TENT5D: variants seen among roughly 807,000 people sequenced by gnomAD.
TENT5D encodes the protein cancer/testis antigen 112.
For synonymous variants in TENT5D, 103 were observed against 100.6 expected, an observed-to-expected ratio of 1.02 and a Z score of -0.15; for missense variants, 191 against 287.0, an observed-to-expected ratio of 0.67 and a Z score of 2.42.
At chrX:80,407,362 T>C (rs1395150015) in intron 3 of TENT5D, among the ~76,000 whole-genome samples, 7 of 110,439 alleles carry the variant, frequency 6.3e-5, no homozygotes, top group Non-Finnish European at 1.3e-4. Context: ...ACCCATCTCA[T>C]GGGCAGAGAC....
chrX:80,340,496 A>G (rs183991557), intron 2 of TENT5D, among the ~76,000 whole-genome samples: 2 of 111,680 alleles, frequency 1.8e-5, no homozygotes, highest in Admixed American at 1.9e-4. Context: ...TTACTACTTT[A>G]CCTGGTAATT....
At chrX:80,379,181 C>A (rs1300966273) in intron 3 of TENT5D, among the ~76,000 whole-genome samples, 2 of 103,977 alleles carry the variant, frequency 1.9e-5, no homozygotes, top group African/African-American at 7.1e-5. Context: ...ATTCTGCATT[C>A]CATTCTGCAT....
chrX:80,387,361 T>G (rs893968233), intron 3 of TENT5D, among the ~76,000 whole-genome samples: 3 of 111,983 alleles, frequency 2.7e-5, no homozygotes, highest in African/African-American at 9.7e-5. Context: ...TGGGCTCATT[T>G]GTATCTATCC....
intron 3 of TENT5D, among the ~76,000 whole-genome samples, chrX:80,381,173 G>C (rs1423296170): frequency 9.0e-6 from 1 of 111,625 alleles, no homozygotes; most frequent in Admixed American, 9.5e-5. Flanking sequence ...AATTCTCTCA[G>C]CATTTGCTTG....
chrX:80,363,711 T>C (rs896244449), intron 3 of TENT5D, among the ~76,000 whole-genome samples: 1 of 112,057 alleles, frequency 8.9e-6, no homozygotes, highest in Non-Finnish European at 1.9e-5. Flanking sequence ...TGCTGCCTTC[T>C]CCTCTATCTG....
chrX:80,415,798 G>T (rs184513824), upstream of TENT5D, among the ~76,000 whole-genome samples: 28 of 111,788 alleles, frequency 2.5e-4, no homozygotes, highest in South Asian at 1.9e-3. Context: ...TCAAGATCTT[G>T]TTGGCCTCAT....
intron 3 of TENT5D, among the ~76,000 whole-genome samples, chrX:80,377,776 A>G (rs1160274177): frequency 9.0e-6 from 1 of 111,654 alleles, no homozygotes; most frequent in African/African-American, 3.3e-5. Context: ...GGGTCAAATG[A>G]TATTTCTAAT....
In TENT5D at chrX:80,358,798, G is replaced by A. The variant is rs186297667; in HGVS notation, c.-142+16234G>A. Among the ~76,000 whole-genome samples the A allele has an allele frequency of 7.2e-4, 81 of 111,764 alleles. No homozygotes were observed. In the East Asian group the frequency reaches 0.014, roughly 19 times the overall value. ...ATGCAGTTGTAGAAATCAAACTGAC[G>A]TACATTAAACACATGGAAAACATTG... On this transcript the variant is annotated intron_variant, in intron 3 of 4. Transcript: ENST00000538312.
Position 80,372,657 on chromosome X carries a change from C to T in TENT5D, c.-142+30093C>T, listed in dbSNP as rs188942913. On this transcript the variant is annotated intron_variant, in intron 3 of 4. Transcript: ENST00000538312. ...ATCCCAGCACTTTGGGAGGCTGAGG[C>T]GTGCAGATCACTTGAGGTCAGGAGT... is the stretch of plus-strand genomic sequence containing the variant. Among the ~76,000 whole-genome samples the T allele has an allele frequency of 1.3e-4, 14 of 110,422 alleles. No homozygotes were observed. The East Asian group carries it at 4.0e-3, about 32-fold the overall frequency.
At chrX:80,388,501 C>T (rs1295491587) in intron 3 of TENT5D, among the ~76,000 whole-genome samples, 1 of 111,479 alleles carries the variant, frequency 9.0e-6, no homozygotes, top group African/African-American at 3.3e-5. Context: ...CAGCAAAGTT[C>T]CCTTCTGGCC....
intron 3 of TENT5D, among the ~76,000 whole-genome samples, chrX:80,382,929 C>G (rs759075025): frequency 4.5e-5 from 5 of 112,147 alleles, no homozygotes; most frequent in Non-Finnish European, 9.4e-5. Flanking sequence ...AAAGGGAAAT[C>G]CCCCGACCCC....
chrX:80,393,261 A>G (rs1009589107), intron 3 of TENT5D, among the ~76,000 whole-genome samples: 16 of 110,544 alleles, frequency 1.4e-4, no homozygotes, highest in African/African-American at 5.3e-4. Flanking sequence ...TTTGTTCACT[A>G]TTTTCATTCT....
At chrX:80,361,118 T>C (rs914143224) in intron 3 of TENT5D, among the ~76,000 whole-genome samples, 2 of 112,219 alleles carry the variant, frequency 1.8e-5, no homozygotes, top group African/African-American at 6.5e-5. Flanking sequence ...AACCCAAATA[T>C]ACCTCATCAC....
upstream of TENT5D, among the ~76,000 whole-genome samples, chrX:80,416,771 A>G (rs1039985407): frequency 4.5e-5 from 5 of 110,755 alleles, no homozygotes; most frequent in Non-Finnish European, 9.4e-5. Context: ...CTGTGAATTT[A>G]TATTCTCTTG....
At chrX:80,346,323 A>G (rs1469170657) in intron 3 of TENT5D, among the ~76,000 whole-genome samples, 2 of 112,463 alleles carry the variant, frequency 1.8e-5, no homozygotes, top group Non-Finnish European at 3.8e-5. Flanking sequence ...ATTTACAAAT[A>G]TAACTGCTGT....
At chrX:80,386,186 A>G (rs962097107) in intron 3 of TENT5D, among the ~76,000 whole-genome samples, 2 of 112,462 alleles carry the variant, frequency 1.8e-5, no homozygotes, top group African/African-American at 6.5e-5. Context: ...ATGTCCATCA[A>G]TGATAGACTG....
chrX:80,405,021 T>G (rs1215782464), intron 3 of TENT5D, among the ~76,000 whole-genome samples: 1 of 111,486 alleles, frequency 9.0e-6, no homozygotes, highest in African/African-American at 3.3e-5. Context: ...TTTAGACCTT[T>G]AAGAAAACAT....
intron 3 of TENT5D, among the ~76,000 whole-genome samples, chrX:80,346,719 G>C (rs1259220067): frequency 9.0e-6 from 1 of 110,835 alleles, no homozygotes; most frequent in Admixed American, 9.6e-5. Context: ...GTACAGGTTT[G>C]TTATATAGGT....
chrX:80,435,795 T>C (rs1283438833), intron 1 of TENT5D, among the ~76,000 whole-genome samples: 1 of 112,654 alleles, frequency 8.9e-6, no homozygotes, highest in East Asian at 2.8e-4. Context: ...ACATATTTAG[T>C]TCTTTCTTTT....
Sources: allele counts gnomAD v4.1 joint callset (sites outside exome capture counted in the v4.1 genomes callset), GRCh38; gene constraint gnomAD v4.1.1; transcripts MANE v1.5; gene names NCBI Gene and HGNC (gene_info 2026-07-23, HGNC 2026-07-21).